Variants in ST6GALNAC3 observed in about 807,000 individuals in gnomAD.
The protein encoded by ST6GALNAC3 is alpha-N-acetylgalactosaminide alpha-2,6-sialyltransferase 3.
Under a neutral mutation model 32.7 loss-of-function variants are expected in ST6GALNAC3, and 25 were observed. The ratio of observed to expected loss-of-function variants is 0.76; its 90% confidence interval spans 0.56 to 1.07. ST6GALNAC3 has a LOEUF of 1.07. Ranked by LOEUF, ST6GALNAC3 falls within the 50% of genes least tolerant of loss-of-function variation. The pLI, the probability that ST6GALNAC3 is intolerant of heterozygous loss-of-function variation, is 0.00. For missense variants in ST6GALNAC3, 355 were observed against 382.4 expected, an observed-to-expected ratio of 0.93 and a Z score of 0.60; for synonymous variants, 129 against 133.1, an observed-to-expected ratio of 0.97 and a Z score of 0.21.
rs967035979 is a variant in ST6GALNAC3 at position 76,183,382 on chromosome 1, C to G, written c.18+108498C>G. Reference sequence around the variant, plus strand: ...TTTGTATACTAAATTTCAGAAATGGCTTTTTATGGGGAAGGTTGGAGACAA... The same window carrying G: ...TTTGTATACTAAATTTCAGAAATGGGTTTTTATGGGGAAGGTTGGAGACAA... On this transcript the variant is annotated intron_variant, in intron 1 of 4. Transcript: ENST00000328299. 2.6e-5 allele frequency among the ~76,000 whole-genome samples: 4 copies of G among 151,942 alleles called. No homozygotes were observed. The East Asian group carries it at 7.7e-4, about 29-fold the overall frequency.
chr1:76,373,159 A>G (rs1650967268), intron 2 of ST6GALNAC3, among the ~76,000 whole-genome samples: 1 of 152,140 alleles, frequency 6.6e-6, no homozygotes, highest in South Asian at 2.1e-4. Context: ...TACCACTGTC[A>G]TGGCTCTAAT....
intron 3 of ST6GALNAC3, among the ~76,000 whole-genome samples, chr1:76,480,751 GTAA>G (rs946586634): frequency 2.0e-5 from 3 of 152,042 alleles, no homozygotes; most frequent in Admixed American, 6.6e-5. Context: ...GATGATAGAG[GTAA>G]TAATAATAAG....
intron 1 of ST6GALNAC3, among the ~76,000 whole-genome samples, chr1:76,110,705 G>A (rs115252755): frequency 8.9e-4 from 136 of 152,348 alleles, no homozygotes; most frequent in African/African-American, 3.2e-3. Context: ...CAACAAGGCT[G>A]CCTCCTCATG....
intron 1 of ST6GALNAC3, among the ~76,000 whole-genome samples, chr1:76,210,681 T>G (rs1655104798): frequency 6.6e-6 from 1 of 152,340 alleles, no homozygotes. Context: ...TGCAGACAAC[T>G]TCCTTCTCTA....
At chr1:76,116,069 A>G (rs1648450392) in intron 1 of ST6GALNAC3, among the ~76,000 whole-genome samples, 2 of 152,160 alleles carry the variant, frequency 1.3e-5, no homozygotes. Context: ...TTCATTGCAG[A>G]GTGGTCAGTG....
At chr1:76,229,412 G>A (rs977515587) in intron 1 of ST6GALNAC3, among the ~76,000 whole-genome samples, 4 of 152,032 alleles carry the variant, frequency 2.6e-5, no homozygotes, top group African/African-American at 9.7e-5. Context: ...CAGCTTCCCT[G>A]CACCCATAAC....
At chr1:76,290,509 G>A (rs983542843) in intron 1 of ST6GALNAC3, among the ~76,000 whole-genome samples, 4 of 151,954 alleles carry the variant, frequency 2.6e-5, no homozygotes, top group Non-Finnish European at 4.4e-5. Flanking sequence ...CCACAGCTAC[G>A]AATGCCACCT....
chr1:76,109,348 T>G (rs1647764460), intron 1 of ST6GALNAC3, among the ~76,000 whole-genome samples: 1 of 152,108 alleles, frequency 6.6e-6, no homozygotes, highest in South Asian at 2.1e-4. Context: ...AACCAAAGAC[T>G]CCCCGTAAGC....
chr1:76,492,536 A>G (rs926915455), intron 3 of ST6GALNAC3, among the ~76,000 whole-genome samples: 1 of 152,178 alleles, frequency 6.6e-6, no homozygotes, highest in African/African-American at 2.4e-5. Context: ...CTTATCACCA[A>G]TAATGAACCC....
chr1:76,371,452 G>A (rs1650809399), intron 2 of ST6GALNAC3, among the ~76,000 whole-genome samples: 1 of 152,154 alleles, frequency 6.6e-6, no homozygotes, highest in African/African-American at 2.4e-5. Flanking sequence ...AGAAAAAAGT[G>A]ACAACTGGAA....
At chr1:76,473,727 T>G (rs1395118354) in intron 3 of ST6GALNAC3, among the ~76,000 whole-genome samples, 1 of 152,140 alleles carries the variant, frequency 6.6e-6, no homozygotes, top group Non-Finnish European at 1.5e-5. Context: ...GATGATCAGA[T>G]GAAAAGCCCT....
At chr1:76,449,319 C>A (rs1657217469) in intron 3 of ST6GALNAC3, among the ~76,000 whole-genome samples, 1 of 152,132 alleles carries the variant, frequency 6.6e-6, no homozygotes, top group South Asian at 2.1e-4. Flanking sequence ...TTTATCCATC[C>A]ACATACTGAA....
intron 3 of ST6GALNAC3, among the ~76,000 whole-genome samples, chr1:76,561,628 T>C (rs182063438): frequency 6.6e-6 from 1 of 152,216 alleles, no homozygotes; most frequent in African/African-American, 2.4e-5. Context: ...ATAAAAATGA[T>C]TGGCAAAGAT....
At chr1:76,356,210 A>G (rs1374948122) in intron 2 of ST6GALNAC3, among the ~76,000 whole-genome samples, 1 of 152,082 alleles carries the variant, frequency 6.6e-6, no homozygotes, top group Admixed American at 6.6e-5. Flanking sequence ...TTTGGATTGT[A>G]TCTCCTGGAT....
intron 3 of ST6GALNAC3, among the ~76,000 whole-genome samples, chr1:76,476,649 G>C (rs1384380669): frequency 1.3e-5 from 2 of 152,140 alleles, no homozygotes; most frequent in East Asian, 3.9e-4. Context: ...CATTAGTTCT[G>C]AACCATATCC....
Position 76,511,385 on chromosome 1 carries a change from T to C in ST6GALNAC3, c.623+98968T>C, listed in dbSNP as rs1025517274. ...GATTCCGCCTCCTGGCAGGCAGCTG[T>C]GCTGTTTCAGGCCCATGGACCTGCC... On this transcript the variant is annotated intron_variant, in intron 3 of 4. Coordinates refer to ENST00000328299, the MANE Select transcript of ST6GALNAC3 (RefSeq NM_152996.4). Among the ~76,000 whole-genome samples the C allele has an allele frequency of 7.9e-5, 12 of 152,290 alleles. No individual in the cohort carries two copies. The South Asian group carries it at 1.4e-3, about 18-fold the overall frequency.
At position 76,109,617 on chromosome 1, in the gene ST6GALNAC3, G is replaced by A. The variant is rs182870632; in HGVS notation, c.18+34733G>A. 5.3e-5 allele frequency among the ~76,000 whole-genome samples: 8 copies of A among 152,302 alleles called. No homozygotes were observed. In the East Asian group the frequency reaches 1.5e-3, roughly 29 times the overall value. On this transcript the variant is annotated intron_variant, in intron 1 of 4. Transcript: ENST00000328299. ...GCATGTGAAGACCAGCTTCCTCTCC[G>A]GTCTGGCGGATCTGTTCTCAGGCTG...
At chr1:76,416,957 C>T (rs575584296) in intron 3 of ST6GALNAC3, among the ~76,000 whole-genome samples, 1 of 152,102 alleles carries the variant, frequency 6.6e-6, no homozygotes, top group African/African-American at 2.4e-5. Context: ...AGGAATTCCT[C>T]ACTGAGGAAA....
chr1:76,329,885 T>G (rs1437576117), intron 2 of ST6GALNAC3, among the ~76,000 whole-genome samples: 2 of 152,166 alleles, frequency 1.3e-5, no homozygotes, highest in Admixed American at 1.3e-4. Context: ...CTCTGCTCAC[T>G]GCAACCTCCA....
Sources: allele counts gnomAD v4.1 joint callset (sites outside exome capture counted in the v4.1 genomes callset), GRCh38; gene constraint gnomAD v4.1.1; transcripts MANE v1.5; gene names NCBI Gene and HGNC (gene_info 2026-07-23, HGNC 2026-07-21).